Variants in DMD observed in about 807,000 individuals in gnomAD.
The protein encoded by DMD is mutant dystrophin.
DMD carries 63 observed loss-of-function variants against 330.1 expected under a neutral mutation model. The observed-to-expected ratio is 0.19, with a 90% CI of 0.16 to 0.24. The LOEUF is 0.24. Among genes scored for constraint, DMD ranks in the 10% least tolerant of loss-of-function variants. DMD has a pLI of 1.00. For missense variants in DMD, 3,344 were observed against 2,684.1 expected, an observed-to-expected ratio of 1.25 and a Z score of -5.43; for synonymous variants, 1,223 against 959.8, an observed-to-expected ratio of 1.27 and a Z score of -5.07.
chrX:31,467,209 C>T (rs902384679), intron 59 of DMD, among the ~76,000 whole-genome samples: 8 of 111,173 alleles, frequency 7.2e-5, no homozygotes, highest in Admixed American at 1.9e-4. Flanking sequence ...ATGTTGAATA[C>T]GAGTGGTGGG....
At chrX:33,083,859 A>C (rs771552615) in intron 1 of DMD, among the ~76,000 whole-genome samples, 1 of 110,946 alleles carries the variant, frequency 9.0e-6, no homozygotes, top group African/African-American at 3.3e-5. Context: ...CAATGGAGTA[A>C]CAGACAGAGA....
chrX:33,334,929 A>G (rs1337001395), intron 1 of DMD, among the ~76,000 whole-genome samples: 1 of 111,653 alleles, frequency 9.0e-6, no homozygotes, highest in Non-Finnish European at 1.9e-5. Context: ...AGTGTCTCAC[A>G]AAGTAATCAA....
intron 17 of DMD, among the ~76,000 whole-genome samples, chrX:32,519,765 T>C (rs181644491): frequency 8.9e-6 from 1 of 112,276 alleles, no homozygotes; most frequent in East Asian, 2.8e-4. Context: ...TTTTGGGACT[T>C]TGAATCATAT....
chrX:31,521,835 T>C (rs1303415377), intron 55 of DMD, among the ~76,000 whole-genome samples: 2 of 111,869 alleles, frequency 1.8e-5, no homozygotes, highest in African/African-American at 3.3e-5. Flanking sequence ...GAAAAACCTT[T>C]CTGCCTGGTT....
intron 44 of DMD, among the ~76,000 whole-genome samples, chrX:32,079,208 A>C (rs895017246): frequency 1.8e-5 from 2 of 111,678 alleles, no homozygotes; most frequent in Admixed American, 1.9e-4. Context: ...GGCAGCCTAG[A>C]AGGGTAGAAG....
intron 43 of DMD, among the ~76,000 whole-genome samples, chrX:32,285,095 G>A (rs913891091): frequency 1.2e-4 from 13 of 112,308 alleles, no homozygotes; most frequent in Admixed American, 2.8e-4. Flanking sequence ...TGAGTAAAGC[G>A]GAGGAGAAAC....
At chrX:31,123,508 T>C (rs981548828) in intron 78 of DMD, among the ~76,000 whole-genome samples, 13 of 112,028 alleles carry the variant, frequency 1.2e-4, no homozygotes, top group African/African-American at 4.2e-4. Context: ...AGTGGGGCCT[T>C]TGCTGCTCCT....
intron 1 of DMD, among the ~76,000 whole-genome samples, chrX:33,264,077 GA>G (rs2053003347): frequency 9.1e-6 from 1 of 110,330 alleles, no homozygotes; most frequent in South Asian, 3.8e-4. Flanking sequence ...CACAGTTAAT[GA>G]AGAAAAATGT....
intron 47 of DMD, among the ~76,000 whole-genome samples, chrX:31,893,059 T>A (rs1201212627): frequency 1.8e-5 from 2 of 112,237 alleles, no homozygotes; most frequent in African/African-American, 6.5e-5. Context: ...AGAAAAATAT[T>A]AAATGAAAGA....
At chrX:32,820,454 T>TC (rs763714350) in intron 5 of DMD, among the ~76,000 whole-genome samples, 3 of 108,443 alleles carry the variant, frequency 2.8e-5, no homozygotes, top group Non-Finnish European at 3.8e-5. Flanking sequence ...AAATAAAAAA[T>TC]AAAAAAATAA....
intron 33 of DMD, among the ~76,000 whole-genome samples, chrX:32,383,624 T>G (rs141417693): frequency 2.0e-3 from 221 of 110,861 alleles, no homozygotes; most frequent in African/African-American, 7.0e-3. Flanking sequence ...CCTATGTTTT[T>G]GCTGTATTCT....
chrX:32,006,533 G>T (rs1370386667), intron 44 of DMD, among the ~76,000 whole-genome samples: 5 of 111,446 alleles, frequency 4.5e-5, no homozygotes, highest in African/African-American at 6.5e-5. Context: ...AGACTTTTTA[G>T]TAATTTATAA....
At chrX:32,538,251 G>T (rs1195068388) in intron 17 of DMD, among the ~76,000 whole-genome samples, 1 of 111,898 alleles carries the variant, frequency 8.9e-6, no homozygotes, top group Non-Finnish European at 1.9e-5. Flanking sequence ...AATCACAAAA[G>T]AAGTGAAAAT....
In DMD at chrX:31,131,756, G is replaced by T. The variant is rs766966128; in HGVS notation, c.11014+2346C>A. On this transcript the variant is annotated intron_variant, in intron 77 of 78. Transcript: ENST00000357033. Reference sequence around the variant, plus strand: ...TTTTTCAAAATTAAAAAACAAAAGTGCTTTTAGTTGGAAAGAAAGCATCCA... The same window carrying T: ...TTTTTCAAAATTAAAAAACAAAAGTTCTTTTAGTTGGAAAGAAAGCATCCA... Among the ~76,000 whole-genome samples the T allele has an allele frequency of 2.7e-5, 3 of 111,660 alleles. No individual in the cohort carries two copies. The Admixed American group carries it at 2.8e-4, about 11-fold the overall frequency.
chrX:32,020,912 T>C (rs1648447658), intron 44 of DMD, among the ~76,000 whole-genome samples: 1 of 112,295 alleles, frequency 8.9e-6, no homozygotes, highest in Admixed American at 9.5e-5. Flanking sequence ...CTTAGCTCAT[T>C]TAGATTGGCT....
rs56763539 is a variant in DMD, at chrX:32,041,802, C to T, written c.6439-73288G>A. 3.4e-3 allele frequency among the ~76,000 whole-genome samples: 371 copies of T among 108,588 alleles called. 2 individuals are homozygous for T. Among genetic ancestry groups the T allele is most frequent in the African/African-American group, 0.011 (327 of 29,838 alleles). The allele number at this position is 108,588 out of a possible 115,157, so 94.3% of individuals were successfully genotyped here. A position where few individuals can be genotyped will look rare whatever the true frequency, so the allele number is the denominator to read the frequency against. On this transcript the variant is annotated intron_variant, in intron 44 of 78. Coordinates refer to ENST00000357033, the MANE Select transcript of DMD (RefSeq NM_004006.3). Reference sequence around the variant, plus strand: ...TCTAACACTTTCAAATTAGCACTGTCGTTGAATTAGGCATAATTAGATTTA... The same window carrying T: ...TCTAACACTTTCAAATTAGCACTGTTGTTGAATTAGGCATAATTAGATTTA...
chrX:32,278,126 G>T (rs1246815204), intron 43 of DMD, among the ~76,000 whole-genome samples: 1 of 111,042 alleles, frequency 9.0e-6, no homozygotes, highest in Non-Finnish European at 1.9e-5. Context: ...TGAGAAAGGA[G>T]ATATTACAAT....
At chrX:31,509,176 T>C (rs752689351) in intron 55 of DMD, among the ~76,000 whole-genome samples, 2 of 111,849 alleles carry the variant, frequency 1.8e-5, no homozygotes, top group African/African-American at 6.5e-5. Flanking sequence ...AAGTAGTTTA[T>C]ATGGTAGAAG....
chrX:31,195,696 A>C (rs1350976710), intron 67 of DMD, among the ~76,000 whole-genome samples: 1 of 105,994 alleles, frequency 9.4e-6, no homozygotes, highest in Non-Finnish European at 1.9e-5. Flanking sequence ...TAGAAATGGA[A>C]GGAAGAAAGG....
Sources: gnomAD v4.1 joint callset for allele counts (sites outside exome capture counted in the v4.1 genomes callset) on GRCh38, gnomAD v4.1.1 for gene constraint, MANE v1.5 for transcripts, NCBI Gene and HGNC (gene_info 2026-07-23, HGNC 2026-07-21) for gene names.